Variants in TARBP1 observed in about 807,000 individuals in gnomAD.
TARBP1 encodes the protein tRNA (guanosine(18)-2'-O)-methyltransferase TARBP1.
A neutral mutation model predicts 178.6 loss-of-function variants in TARBP1; 144 were observed. The ratio of observed to expected loss-of-function variants is 0.81; its 90% CI spans 0.70 to 0.93. The LOEUF is 0.93. Ranked by LOEUF, TARBP1 falls within the 40% of genes least tolerant of loss-of-function variation. TARBP1 has a pLI of 0.00. For missense variants in TARBP1, 2,067 were observed against 2,011.7 expected, an observed-to-expected ratio of 1.03 and a Z score of -0.53; for synonymous variants, 787 against 781.0, an observed-to-expected ratio of 1.01 and a Z score of -0.13.
chr1:234,413,160 A>C (rs1662035985), intron 22 of TARBP1, among the ~76,000 whole-genome samples: 1 of 152,158 alleles, frequency 6.6e-6, no homozygotes, highest in African/African-American at 2.4e-5. Context: ...GCCATTTGGA[A>C]GTCCCAGCCC....
chr1:234,439,904 T>C (rs1318560081), intron 12 of TARBP1, among the ~76,000 whole-genome samples: 1 of 152,162 alleles, frequency 6.6e-6, no homozygotes, highest in Non-Finnish European at 1.5e-5. Context: ...AACTCTTGGA[T>C]ATAACTGACA....
chr1:234,410,609 T>C, intron 22 of TARBP1, 78 bp from the exon 23 acceptor site: 1 of 897,450 alleles, frequency 1.1e-6, no homozygotes, highest in Non-Finnish European at 1.8e-6. Context: ...CGTGCTGGAC[T>C]CTATGAGGGC....
chr1:234,420,738 C>T lies in TARBP1; in HGVS notation c.3519G>A (p.Trp1173Ter). Reference protein sequence around the residue: ...SLQHRVKNRVWQTLLVLFPRL... With the variant: ...SLQHRVKNRV ...TAGGGAAAAGTACCAGCAGAGTCTG[C>T]CACACTCGGTTTTTCACTCTGTGCT... The change falls in exon 21 of 30, where the codon TGG (tryptophan) becomes TGA (stop). Residue 1173 changes from tryptophan to a stop codon, truncating the protein, a stop_gained. Transcript: ENST00000040877. LOFTEE classifies it high-confidence loss of function. The T allele has an allele frequency of 4.3e-6, 7 of 1,612,484 alleles. No homozygotes were observed. The highest frequency in any genetic ancestry group is 5.9e-6 in the Non-Finnish European group (7 of 1,179,262).
In TARBP1 at chr1:234,465,747, T is replaced by C. The variant is rs1236304848; in HGVS notation, c.1249-39A>G. 3 of 1,514,020 alleles carry C rather than the reference T, an allele frequency of 2.0e-6. No individual in the cohort carries two copies. In the African/African-American group the frequency reaches 4.3e-5, roughly 22 times the overall value. The allele number at this position is 1,514,020 out of a possible 1,614,324, so 93.8% of individuals were successfully genotyped here. A position where few individuals can be genotyped will look rare whatever the true frequency, so the allele number is the denominator to read the frequency against. ...AAAAAAAAGACACGTAATTGAAACT[T>C]AGTTGTAAATACAATTTTGAAGTCA... On this transcript the variant is annotated intron_variant, in intron 4 of 29. Coordinates refer to ENST00000040877, the MANE Select transcript of TARBP1 (RefSeq NM_005646.4).
chr1:234,432,405 G>A (rs530855696), intron 14 of TARBP1, among the ~76,000 whole-genome samples: 2 of 152,162 alleles, frequency 1.3e-5, no homozygotes, highest in South Asian at 2.1e-4. Flanking sequence ...TCACGCCACT[G>A]CACTCGGTCT....
At chr1:234,439,887 C>T (rs73101951) in intron 12 of TARBP1, among the ~76,000 whole-genome samples, 3,079 of 152,164 alleles carry the variant, frequency 0.02, 69 homozygotes, top group African/African-American at 0.061. Flanking sequence ...CTAAAAAACA[C>T]CATGAAAACT....
At chr1:234,417,893 T>C (rs181747982) in intron 22 of TARBP1, among the ~76,000 whole-genome samples, 191 bp downstream of exon 22, 2 of 152,258 alleles carry the variant, frequency 1.3e-5, no homozygotes, top group Admixed American at 1.3e-4. Context: ...TCAAAAACTA[T>C]GAAATATTCA....
chr1:234,429,472 G>A lies in TARBP1; in HGVS notation c.2815C>T (p.Leu939Phe), dbSNP rs1340192763. 1 of 1,613,970 alleles carries A rather than the reference G, an allele frequency of 6.2e-7. No individual in the cohort carries two copies. The highest frequency in any genetic ancestry group is 1.3e-5 in the African/African-American group (1 of 74,918). Residue 939 changes from leucine (L) to phenylalanine (F), a missense_variant, in exon 16 of 30, where the codon CTT becomes TTT. Transcript: ENST00000040877. ...ACTGGTAAAACTTGATCAGAAGAAA[G>A]AACTGTGAGGGCTTCTAGTGCAGAC... is the stretch of plus-strand genomic sequence containing the variant. The part of the protein sequence containing the change: ...LQSALEALTV[L>F]SSDQVLPVFH...
Position 234,478,844 on chromosome 1 carries a change from C to G in TARBP1, c.260G>C (p.Ser87Thr). 1 of 1,228,778 alleles carries G rather than the reference C, an allele frequency of 8.1e-7. No homozygotes were observed. Among genetic ancestry groups the G allele is most frequent in the Non-Finnish European group, 1.0e-6 (1 of 987,590 alleles). The allele number at this position is 1,228,778 out of a possible 1,614,324, so 76.1% of individuals were successfully genotyped here. The part of the protein sequence containing the change: ...RGRPAGGPDP[S>T]LQPRHRRRVL... ...GCGCCGGCGGTGGCGAGGCTGCAGA[C>G]TGGGGTCCGGGCCGCCCGCGGGGCG... Residue 87 changes from serine to threonine, a missense_variant, in exon 1 of 30, where the codon AGT (serine) becomes ACT (threonine). Ser to Thr is a moderately conservative substitution (Grantham distance 58). Coordinates refer to ENST00000040877, the MANE Select transcript of TARBP1 (RefSeq NM_005646.4).
intron 26 of TARBP1, among the ~76,000 whole-genome samples, chr1:234,394,459 C>T (rs546066040): frequency 2.1e-4 from 32 of 152,334 alleles, no homozygotes; most frequent in African/African-American, 7.2e-4. Flanking sequence ...CTCTGTCCTA[C>T]TCCAAACTGC....
intron 12 of TARBP1, among the ~76,000 whole-genome samples, chr1:234,442,209 C>T (rs1361784716): frequency 2.6e-5 from 4 of 152,160 alleles, no homozygotes; most frequent in Non-Finnish European, 5.9e-5. Flanking sequence ...ATACCTACTG[C>T]ACGATCCATA....
chr1:234,465,511 A>T, intron 5 of TARBP1, 145 bp downstream of exon 5: 1 of 651,482 alleles, frequency 1.5e-6, no homozygotes, highest in Non-Finnish European at 2.5e-6. Context: ...GAAGAATAAC[A>T]GATAGAAAAA....
chr1:234,393,508 A>G, intron 27 of TARBP1, 22 bp from the exon 28 acceptor site: 3 of 1,573,660 alleles, frequency 1.9e-6, no homozygotes, highest in Non-Finnish European at 2.6e-6. Flanking sequence ...ACCTGGGATC[A>G]TTAAGATTGT....
At position 234,459,090 on chromosome 1, in the gene TARBP1, T is replaced by G; in HGVS notation, c.1632+140A>C. 4.8e-6 allele frequency: 3 copies of G among 622,668 alleles called. No homozygotes were observed. In the South Asian group the frequency reaches 6.5e-5, roughly 13 times the overall value. 38.6% of individuals were successfully genotyped at this position (622,668 alleles called of 1,614,324 possible). Reference sequence around the variant, plus strand: ...TATTTAGAGAGATCATATGTATTATTTTATTACAAGCACATTTATTATTTT... The same window carrying G: ...TATTTAGAGAGATCATATGTATTATGTTATTACAAGCACATTTATTATTTT... On this transcript the variant is annotated intron_variant, in intron 8 of 29. Transcript: ENST00000040877.
At chr1:234,399,702 G>A (rs1176925436) in intron 25 of TARBP1, among the ~76,000 whole-genome samples, 1 of 152,098 alleles carries the variant, frequency 6.6e-6, no homozygotes, top group African/African-American at 2.4e-5. Context: ...ATACTATGAG[G>A]CCATAAAAAA....
At chr1:234,394,686 A>G (rs1659738500) in intron 26 of TARBP1, among the ~76,000 whole-genome samples, 1 of 152,254 alleles carries the variant, frequency 6.6e-6, no homozygotes, top group Non-Finnish European at 1.5e-5. Flanking sequence ...CATGCATGGG[A>G]TGTAGAAGCA....
intron 7 of TARBP1, 125 bp downstream of exon 7, chr1:234,460,136 C>A: frequency 1.8e-6 from 2 of 1,086,228 alleles, no homozygotes; most frequent in Non-Finnish European, 2.5e-6. Context: ...AATTAAGAGC[C>A]CAAACATCCC....
rs188131023 is a variant in TARBP1 at position 234,450,668 on chromosome 1, T to A, written c.1723-102A>T. 9.7e-5 allele frequency: 126 copies of A among 1,303,332 alleles called. 2 individuals carry two copies. The Admixed American group carries it at 3.0e-3, about 31-fold the overall frequency. 80.7% of individuals were successfully genotyped at this position (1,303,332 alleles called of 1,614,324 possible). On this transcript the variant is annotated intron_variant, in intron 9 of 29. Transcript: ENST00000040877. ...TTCTTTCTTTCACGATAAACCAAAT[T>A]TAAATAATCGAATACAAAGTAATAA...
intron 29 of TARBP1, among the ~76,000 whole-genome samples, chr1:234,392,051 A>T (rs1659423813): frequency 6.6e-6 from 1 of 152,264 alleles, no homozygotes; most frequent in Non-Finnish European, 1.5e-5. Context: ...AGCAGGAGTC[A>T]GGGTAAACTG....
Sources: gnomAD v4.1 joint callset for allele counts (sites outside exome capture counted in the v4.1 genomes callset) on GRCh38, gnomAD v4.1.1 for gene constraint, MANE v1.5 for transcripts, NCBI Gene and HGNC (gene_info 2026-07-23, HGNC 2026-07-21) for gene names.